The following ARHGAP44 variants were observed in gnomAD, a reference collection of about 807,000 sequenced individuals.
ARHGAP44 encodes the protein Rho GTPase activating protein 44, also known as rho GTPase-activating protein 44.
In ARHGAP44, 43 loss-of-function variants were observed where a neutral mutation model predicts 106.8. The ratio of observed to expected loss-of-function variants is 0.40; its 90% CI spans 0.32 to 0.52. The LOEUF is 0.52. ARHGAP44 is among the 20% of genes least tolerant of loss of function. The pLI, the probability that ARHGAP44 is intolerant of heterozygous loss-of-function variation, is 0.48. For missense variants in ARHGAP44, 866 were observed against 1,050.5 expected (o/e 0.82, Z 2.43); for synonymous variants, 439 against 410.3 (o/e 1.07, Z -0.85).
At chr17:12,929,583 G>A (rs1298701113) in intron 7 of ARHGAP44, among the ~76,000 whole-genome samples, 1 of 152,158 alleles carries the variant, frequency 6.6e-6, no homozygotes, top group East Asian at 1.9e-4. Flanking sequence ...TGAAAACTGC[G>A]ACTCTGTACT....
intron 1 of ARHGAP44, among the ~76,000 whole-genome samples, chr17:12,797,189 T>G (rs2033950086): frequency 6.6e-6 from 1 of 152,184 alleles, no homozygotes; most frequent in Non-Finnish European, 1.5e-5. Context: ...TTCTTCAGTG[T>G]TATGTCTGGG....
chr17:12,903,396 G>A (rs8078078), intron 3 of ARHGAP44, among the ~76,000 whole-genome samples: 108,271 of 151,832 alleles, frequency 0.71, 39,148 homozygotes, highest in East Asian at 0.98. Context: ...AATTATTTCA[G>A]TAGCTCCTCT....
At chr17:12,868,800 G>C (rs1293049425) in intron 1 of ARHGAP44, among the ~76,000 whole-genome samples, 2 of 151,102 alleles carry the variant, frequency 1.3e-5, no homozygotes, top group African/African-American at 4.9e-5. Flanking sequence ...TAGGATTACA[G>C]GCATGTGCCA....
intron 19 of ARHGAP44, 81 bp from the exon 20 acceptor site, chr17:12,984,450 G>A: frequency 6.8e-7 from 1 of 1,460,108 alleles, no homozygotes; most frequent in Non-Finnish European, 9.0e-7. Context: ...TTTGAACGCT[G>A]AAGGGTGTGT....
At chr17:12,884,893 T>TTTTG (rs200942628) in intron 1 of ARHGAP44, among the ~76,000 whole-genome samples, 49 of 152,158 alleles carry the variant, frequency 3.2e-4, no homozygotes, top group South Asian at 6.2e-4. Flanking sequence ...GCTAAGCATT[T>TTTTG]TTTGTTTGTT....
At chr17:12,970,224 G>A (rs988568325) in intron 16 of ARHGAP44, among the ~76,000 whole-genome samples, 1 of 152,024 alleles carries the variant, frequency 6.6e-6, no homozygotes, top group Non-Finnish European at 1.5e-5. Context: ...AAATTAGCCA[G>A]ATGTGGTGGC....
intron 5 of ARHGAP44, 88 bp from the exon 6 acceptor site, chr17:12,919,667 T>G: frequency 1.4e-5 from 17 of 1,177,506 alleles, no homozygotes; most frequent in South Asian, 3.0e-5. Flanking sequence ...ATTAGAGGCA[T>G]GAGCCACCGC....
At chr17:12,955,041 C>A (rs551824722) in intron 13 of ARHGAP44, among the ~76,000 whole-genome samples, 1 of 152,252 alleles carries the variant, frequency 6.6e-6, no homozygotes, top group East Asian at 1.9e-4. Flanking sequence ...CCCTAAGCAA[C>A]CACTAATGTA....
intron 1 of ARHGAP44, among the ~76,000 whole-genome samples, chr17:12,881,245 C>T: frequency 6.6e-6 from 1 of 151,964 alleles, no homozygotes; most frequent in South Asian, 2.1e-4. Flanking sequence ...ATTCAATGGT[C>T]TAAAATATAA....
At position 12,974,335 on chromosome 17, in the gene ARHGAP44, G is replaced by A; in HGVS notation, c.1763+25G>A. On this transcript the variant is annotated intron_variant, in intron 18 of 20. Transcript: ENST00000379672. Reference sequence around the variant, plus strand: ...GGTAAGCGCGGGCCACTGCCGTCCGGGCGGGCTGGTGTGCGGTGCAGGGGG... The same window carrying A: ...GGTAAGCGCGGGCCACTGCCGTCCGAGCGGGCTGGTGTGCGGTGCAGGGGG... 5 of 1,385,632 alleles carry A rather than the reference G, an allele frequency of 3.6e-6. No individual in the cohort carries two copies. In the South Asian group the frequency reaches 6.6e-5, roughly 18 times the overall value. The allele number at this position is 1,385,632 out of a possible 1,614,324, so 85.8% of individuals were successfully genotyped here.
intron 6 of ARHGAP44, among the ~76,000 whole-genome samples, chr17:12,926,746 A>G (rs1010754615): frequency 4.0e-5 from 6 of 151,808 alleles, no homozygotes; most frequent in Non-Finnish European, 7.4e-5. Flanking sequence ...AAAAAATTTA[A>G]TCCTGAGTTA....
intron 3 of ARHGAP44, among the ~76,000 whole-genome samples, chr17:12,906,282 GT>G (rs1430479377): frequency 2.0e-5 from 3 of 152,152 alleles, no homozygotes; most frequent in Non-Finnish European, 2.9e-5. Flanking sequence ...ACACCAAGCA[GT>G]TCCCCAACTC....
At chr17:12,950,289 A>G (rs2038961698) in intron 12 of ARHGAP44, among the ~76,000 whole-genome samples, 1 of 152,198 alleles carries the variant, frequency 6.6e-6, no homozygotes, top group South Asian at 2.1e-4. Flanking sequence ...TAATAGCTGA[A>G]TATATTTTAA....
chr17:12,805,534 G>T (rs149568703), intron 1 of ARHGAP44, among the ~76,000 whole-genome samples: 1 of 151,592 alleles, frequency 6.6e-6, no homozygotes, highest in Non-Finnish European at 1.5e-5. Context: ...TGACTTTGGC[G>T]TTAGAATTAT....
At chr17:12,840,693 G>A (rs2035365040) in intron 1 of ARHGAP44, among the ~76,000 whole-genome samples, 1 of 152,212 alleles carries the variant, frequency 6.6e-6, no homozygotes, top group African/African-American at 2.4e-5. Context: ...TCATCACCAC[G>A]AGGGGGCCTG....
chr17:12,978,981 C>T (rs997432108), intron 18 of ARHGAP44, among the ~76,000 whole-genome samples: 1 of 152,326 alleles, frequency 6.6e-6, no homozygotes, highest in South Asian at 2.1e-4. Context: ...AGCCACCATG[C>T]CCGGCCCAGG....
chr17:12,952,674 A>G, intron 13 of ARHGAP44, 93 bp downstream of exon 13: 1 of 805,610 alleles, frequency 1.2e-6, no homozygotes, highest in Non-Finnish European at 2.0e-6. Context: ...GGTAACTACC[A>G]TGCATAGCAT....
At chr17:12,913,010 A>G (rs1294224485) in intron 4 of ARHGAP44, among the ~76,000 whole-genome samples, 2 of 152,178 alleles carry the variant, frequency 1.3e-5, no homozygotes, top group East Asian at 1.9e-4. Context: ...ATCCCAGGGA[A>G]TGGTGAAGGA....
At position 12,850,546 on chromosome 17, in the gene ARHGAP44, C is replaced by G. The variant is rs929132548; in HGVS notation, c.54-44394C>G. ...TTTCTCTTGCTCTGGCAAAGTTCAC[C>G]TCTCCATTGGCCTCCACATCACCAT... On this transcript the variant is annotated intron_variant, in intron 1 of 20. Coordinates refer to ENST00000379672, the MANE Select transcript of ARHGAP44 (RefSeq NM_014859.6). Among the ~76,000 whole-genome samples, 26 of 152,132 alleles carry G rather than the reference C, an allele frequency of 1.7e-4. 1 individual carries two copies. Among genetic ancestry groups the G allele is most frequent in the African/African-American group, 6.3e-4 (26 of 41,418 alleles).
Sources: allele counts gnomAD v4.1 joint callset (sites outside exome capture counted in the v4.1 genomes callset), GRCh38; gene constraint gnomAD v4.1.1; transcripts MANE v1.5; gene names NCBI Gene and HGNC (gene_info 2026-07-23, HGNC 2026-07-21).